The following SLFN13 variants were observed in gnomAD, a reference collection of about 807,000 sequenced individuals.
SLFN13 encodes schlafen-13.
In SLFN13, 43 loss-of-function variants were observed where a neutral mutation model predicts 50.6. That is an observed-to-expected ratio of 0.85 (90% CI 0.67 to 1.09). The LOEUF (loss-of-function observed/expected upper bound fraction) is 1.09, where lower values mean the gene tolerates loss of function less well. SLFN13 is among the 50% of genes least tolerant of loss of function. SLFN13 has a pLI of 0.00. For synonymous variants in SLFN13, 339 were observed against 386.5 expected (o/e 0.88, Z 1.44); for missense variants, 881 against 1,071.1 (o/e 0.82, Z 2.48).
Position 35,440,471 on chromosome 17 carries a change from T to C in SLFN13, c.*124A>G. ...AAATGGGGGAGCTCCAAACTCTTTG[T>C]GTCAGCTCTGTCCAAATCTCTAACT... On this transcript the variant is annotated 3_prime_UTR_variant, in exon 6 of 6. Transcript: ENST00000285013. The C allele has an allele frequency of 8.3e-7, 1 of 1,198,488 alleles. No individual in the cohort carries two copies. Among genetic ancestry groups the C allele is most frequent in the Non-Finnish European group, 1.2e-6 (1 of 849,724 alleles). The allele number at this position is 1,198,488 out of a possible 1,614,324, so 74.2% of individuals were successfully genotyped here.
intron 2 of SLFN13, among the ~76,000 whole-genome samples, chr17:35,446,429 T>C (rs1278836084): frequency 6.6e-6 from 1 of 152,218 alleles, no homozygotes; most frequent in Admixed American, 6.5e-5. Flanking sequence ...GGCTAAGGTC[T>C]TGGAGAACAG....
chr17:35,444,328 A>T (rs1913077777), intron 3 of SLFN13, among the ~76,000 whole-genome samples: 1 of 152,228 alleles, frequency 6.6e-6, no homozygotes, highest in Non-Finnish European at 1.5e-5. Flanking sequence ...GGTACAAGCT[A>T]ATCACTATTA....
rs950488367 is a variant in SLFN13, at chr17:35,448,071, G to C, written c.-161+651C>G. 2.5e-5 allele frequency among the ~76,000 whole-genome samples: 3 copies of C among 119,282 alleles called. No individual in the cohort carries two copies. The South Asian group carries it at 1.2e-3, about 46-fold the overall frequency. The allele number at this position is 119,282 out of a possible 152,430, so 78.3% of individuals were successfully genotyped here. A position where few individuals can be genotyped will look rare whatever the true frequency, so the allele number is the denominator to read the frequency against. On this transcript the variant is annotated intron_variant, in intron 1 of 5. Coordinates refer to ENST00000285013, the MANE Select transcript of SLFN13 (RefSeq NM_144682.6). The stretch of plus-strand genomic sequence containing the variant: ...TATTATTATTATTATTATTCATAGC[G>C]ATAGGGTCTCCCTACATTGCCCAGG...
At chr17:35,443,301 GA>G (rs1450886086) in intron 4 of SLFN13, among the ~76,000 whole-genome samples, 1 of 152,172 alleles carries the variant, frequency 6.6e-6, no homozygotes, top group Non-Finnish European at 1.5e-5. Flanking sequence ...CTTCCAAAGA[GA>G]AATTATTTGT....
intron 4 of SLFN13, among the ~76,000 whole-genome samples, chr17:35,443,052 G>A (rs1306711985): frequency 6.6e-6 from 1 of 152,144 alleles, no homozygotes; most frequent in African/African-American, 2.4e-5. Context: ...ACATACGTAG[G>A]ATATTTGTGT....
At chr17:35,448,663 A>C (rs1028777187) in intron 1 of SLFN13, 59 bp downstream of exon 1, 1 of 152,366 alleles carries the variant, frequency 6.6e-6, no homozygotes, top group Non-Finnish European at 1.5e-5. Context: ...ACTAGACCCT[A>C]GGGCGTGGGT....
chr17:35,441,538 A>G, intron 5 of SLFN13, 25 bp downstream of exon 5: 1 of 1,611,912 alleles, frequency 6.2e-7, no homozygotes. Flanking sequence ...AATAAAACTT[A>G]AAGACGTAAG....
intron 5 of SLFN13, 49 bp downstream of exon 5, chr17:35,441,514 T>A (rs754016496): frequency 1.9e-6 from 3 of 1,610,282 alleles, no homozygotes; most frequent in Non-Finnish European, 2.5e-6. Context: ...GCAGAAAAAA[T>A]TAAACCCAGA....
rs1913106064 is a variant in SLFN13 at position 35,444,796 on chromosome 17, GC to G, written c.884del (p.Ser295ThrfsTer5). On this transcript the variant is annotated frameshift_variant, in exon 3 of 6. Coordinates refer to ENST00000285013, the MANE Select transcript of SLFN13 (RefSeq NM_144682.6). LOFTEE classifies it high-confidence loss of function. The stretch of plus-strand genomic sequence containing the variant: ...CACAAAACACTTCTACGATTTTGGT[GC>G]TGTACTCTACCCGAGGTTTTGAAGA... ...FCSSKPRVEYSTKIVEVFCGK... is the reference protein window; with the variant it reads ...FCSSKPRVEYXTKIVEVFCGK... The G allele has an allele frequency of 1.2e-6, 2 of 1,614,166 alleles. No homozygotes were observed. The highest frequency in any genetic ancestry group is 2.2e-5 in the South Asian group (2 of 91,082).
intron 2 of SLFN13, 189 bp from the exon 3 acceptor site, chr17:35,445,882 C>T (rs1913190773): frequency 1.9e-6 from 1 of 524,490 alleles, no homozygotes; most frequent in African/African-American, 1.9e-5. Flanking sequence ...TTAGCCTTTA[C>T]CATCATCTGT....
chr17:35,444,577 T>A, intron 3 of SLFN13, 38 bp downstream of exon 3: 4 of 1,566,364 alleles, frequency 2.6e-6, no homozygotes, highest in Non-Finnish European at 3.5e-6. Flanking sequence ...GGGGAAGAGG[T>A]AGAAAGGTCA....
Position 35,436,480 on chromosome 17 carries a change from T to C in SLFN13, c.*4115A>G, listed in dbSNP as rs201723178. The C allele has an allele frequency of 7.9e-4, 95 of 120,006 alleles. No individual in the cohort carries two copies. The highest frequency in any genetic ancestry group is 2.9e-3 in the African/African-American group (84 of 28,606). The allele number at this position is 120,006 out of a possible 1,614,324, so 7.4% of individuals were successfully genotyped here. A position where few individuals can be genotyped will look rare whatever the true frequency, so the allele number is the denominator to read the frequency against. On this transcript the variant is annotated 3_prime_UTR_variant, in exon 6 of 6. Transcript: ENST00000285013. ...CGTTCAGAAGCAAAAACACCCCCCC[T>C]CCACACACACACACACACACACTTT...
chr17:35,437,609 A>G lies in SLFN13; in HGVS notation c.*2986T>C, dbSNP rs1368737616. 2 of 152,110 alleles carry G rather than the reference A, an allele frequency of 1.3e-5. No homozygotes were observed. Among genetic ancestry groups the G allele is most frequent in the Admixed American group, 6.5e-5 (1 of 15,272 alleles). 9.4% of individuals were successfully genotyped at this position (152,110 alleles called of 1,614,324 possible). A position where few individuals can be genotyped will look rare whatever the true frequency, so the allele number is the denominator to read the frequency against. Reference sequence around the variant, plus strand: ...TTAGGAAAGTCATTATGTCAAGCCAACTAGAAACTAGCAGAGACCTTGGTA... The same window carrying G: ...TTAGGAAAGTCATTATGTCAAGCCAGCTAGAAACTAGCAGAGACCTTGGTA... On this transcript the variant is annotated 3_prime_UTR_variant, in exon 6 of 6. Transcript: ENST00000285013.
At chr17:35,449,171 T>C (rs1463376446), upstream of SLFN13, among the ~76,000 whole-genome samples, 1 of 150,964 alleles carries the variant, frequency 6.6e-6, no homozygotes, top group Non-Finnish European at 1.5e-5. Context: ...CCCGAGGAAG[T>C]CCAGGGTAAA....
rs1268660869 is a variant in SLFN13 at position 35,445,735 on chromosome 17, T to C, written c.-13-42A>G. The C allele has an allele frequency of 4.2e-6, 6 of 1,427,228 alleles. No individual in the cohort carries two copies. In the African/African-American group the frequency reaches 8.6e-5, roughly 20 times the overall value. 88.4% of individuals were successfully genotyped at this position (1,427,228 alleles called of 1,614,324 possible). ...ATTTGTTTCATTTTTGATTAAAAAA[T>C]TGTTACAGGCCTGCAATTCATTTAT... is the stretch of plus-strand genomic sequence containing the variant. On this transcript the variant is annotated intron_variant, in intron 2 of 5. Coordinates refer to ENST00000285013, the MANE Select transcript of SLFN13 (RefSeq NM_144682.6).
At position 35,440,710 on chromosome 17, in the gene SLFN13, A is replaced by G. The variant is rs375056334; in HGVS notation, c.2579T>C (p.Leu860Pro). The G allele has an allele frequency of 1.9e-6, 3 of 1,614,142 alleles. No individual in the cohort carries two copies. The highest frequency in any genetic ancestry group is 2.5e-6 in the Non-Finnish European group (3 of 1,180,036). Residue 860 changes from leucine (L) to proline (P), a missense_variant, in exon 6 of 6, where the codon CTG becomes CCG. This residue lies in a region of SLFN13 where 322 missense variants were observed against 327.4 expected (regional missense o/e 0.98). Transcript: ENST00000285013. ...VLDSVRRFSGLERSIVFGIHP... is the reference protein window; with the variant it reads ...VLDSVRRFSGPERSIVFGIHP... ...GATCCCAAACACTATGCTCCTTTCCAGGCCTGAGAATCGCCGGACACTGTC... is the reference window on the plus strand; with the variant it reads ...GATCCCAAACACTATGCTCCTTTCCGGGCCTGAGAATCGCCGGACACTGTC...
chr17:35,440,816 T>C lies in SLFN13; in HGVS notation c.2473A>G (p.Lys825Glu), dbSNP rs993664606. The C allele has an allele frequency of 5.6e-6, 9 of 1,614,128 alleles. No homozygotes were observed. In the African/African-American group the frequency reaches 1.2e-4, roughly 22 times the overall value. Residue 825 changes from lysine to glutamate, a missense_variant, in exon 6 of 6, where the codon AAG (lysine) becomes GAG (glutamate). By Grantham distance (56) the Lys-to-Glu change is moderately conservative (BLOSUM62 1). Transcript: ENST00000285013. ...TTCTTCCTCATTGCTTTCAAGAGCT[T>C]AGACTGATACTGCTCCACTTCTGTC... Reference protein sequence around the residue: ...TVTEVEQYQSKLLKAMRKKMV... With the variant: ...TVTEVEQYQSELLKAMRKKMV...
Position 35,440,883 on chromosome 17 carries a change from C to T in SLFN13, c.2406G>A (p.Arg802=). Residue 802 remains arginine, a synonymous_variant, in exon 6 of 6, where the codon AGG becomes AGA. Coordinates refer to ENST00000285013, the MANE Select transcript of SLFN13 (RefSeq NM_144682.6). The stretch of plus-strand genomic sequence containing the variant: ...CAGCAACATCCTTTGGAGAATAGCC[C>T]CTTTCAAAGAAGCACCTGCAGGTGT... ...VADTCRCFFE[R]GYSPKDVAVL... is the part of the protein sequence containing the mutation. The T allele has an allele frequency of 6.2e-7, 1 of 1,614,102 alleles. No individual in the cohort carries two copies.
At chr17:35,449,320 C>G (rs1011005999), upstream of SLFN13, among the ~76,000 whole-genome samples, 16 of 152,020 alleles carry the variant, frequency 1.1e-4, no homozygotes, top group African/African-American at 3.9e-4. Context: ...TTTCTTACTC[C>G]CCCTCCGCCC....
Sources: gnomAD v4.1 joint callset for allele counts (sites outside exome capture counted in the v4.1 genomes callset) on GRCh38, gnomAD v4.1.1 for gene constraint, gnomAD v4.1.1 regional missense constraint, MANE v1.5 for transcripts, NCBI Gene and HGNC (gene_info 2026-07-23, HGNC 2026-07-21) for gene names.